SPHKAP: variants seen among roughly 807,000 people sequenced by gnomAD.
SPHKAP encodes SPHK1 interactor, AKAP domain containing.
SPHKAP carries 67 observed loss-of-function variants against 137.5 expected under a neutral mutation model. The ratio of observed to expected loss-of-function variants is 0.49; its 90% confidence interval spans 0.40 to 0.60. SPHKAP has a LOEUF of 0.60. Ranked by LOEUF, SPHKAP falls within the 20% of genes least tolerant of loss-of-function variation. SPHKAP has a pLI of 0.00. For synonymous variants in SPHKAP, 813 were observed against 785.3 expected, an observed-to-expected ratio of 1.04 and a Z score of -0.59; for missense variants, 2,097 against 2,069.3, an observed-to-expected ratio of 1.01 and a Z score of -0.26.
At chr2:228,025,248 C>G in intron 5 of SPHKAP, 146 bp downstream of exon 5, 1 of 834,132 alleles carries the variant, frequency 1.2e-6, no homozygotes, top group Admixed American at 3.6e-5. Context: ...AAGAGAAATA[C>G]AAATGCAGAC....
chr2:228,129,805 T>TC (rs1203022049), intron 2 of SPHKAP, among the ~76,000 whole-genome samples: 5 of 150,518 alleles, frequency 3.3e-5, no homozygotes, highest in African/African-American at 1.2e-4. Context: ...TTTCTTTTTT[T>TC]TTTTTTTTTG....
chr2:228,002,836 A>G (rs2106183064), intron 7 of SPHKAP, among the ~76,000 whole-genome samples: 1 of 152,276 alleles, frequency 6.6e-6, no homozygotes, highest in Non-Finnish European at 1.5e-5. Flanking sequence ...TCCTTTCCCC[A>G]TTTCTTGTTT....
chr2:228,092,341 GTGTGT>G, intron 3 of SPHKAP, among the ~76,000 whole-genome samples: 1 of 122,744 alleles, frequency 8.1e-6, no homozygotes, highest in African/African-American at 3.1e-5. Context: ...ACACGTGTAT[GTGTGT>G]GTATACATAT....
intron 2 of SPHKAP, among the ~76,000 whole-genome samples, chr2:228,127,898 G>A (rs1018440570): frequency 1.3e-5 from 2 of 152,010 alleles, no homozygotes; most frequent in Non-Finnish European, 2.9e-5. Context: ...GTGTAAAATA[G>A]CATTATAACC....
chr2:228,098,308 C>T lies in SPHKAP; in HGVS notation c.246+10524G>A, dbSNP rs562430507. ...TTTTAAGAAGTGTCTGTTCCACATG[C>T]ACACATATGTTTATTGTGGCACTAT... On this transcript the variant is annotated intron_variant, in intron 3 of 11. Transcript: ENST00000392056. 2.4e-4 allele frequency among the ~76,000 whole-genome samples: 37 copies of T among 152,148 alleles called. 1 individual carries two copies. In the South Asian group the frequency reaches 7.5e-3, roughly 31 times the overall value.
intron 3 of SPHKAP, among the ~76,000 whole-genome samples, chr2:228,034,987 C>T (rs1695527594): frequency 1.3e-5 from 2 of 150,920 alleles, no homozygotes; most frequent in East Asian, 2.0e-4. Context: ...GGGATGCCCT[C>T]TCTCACCACT....
chr2:228,083,629 C>A (rs1697438680), intron 3 of SPHKAP, among the ~76,000 whole-genome samples: 1 of 152,110 alleles, frequency 6.6e-6, no homozygotes, highest in Admixed American at 6.5e-5. Context: ...AAGACACATG[C>A]ACACGTATGT....
chr2:228,109,018 T>TC (rs1698433159), intron 2 of SPHKAP, 79 bp from the exon 3 acceptor site: 1 of 1,007,496 alleles, frequency 9.9e-7, no homozygotes, highest in East Asian at 2.8e-5. Context: ...TTTTTTTTTT[T>TC]TCTTATAAAA....
chr2:228,109,000 T>A, intron 2 of SPHKAP, 61 bp from the exon 3 acceptor site: 1 of 999,660 alleles, frequency 1.0e-6, no homozygotes, highest in Non-Finnish European at 1.4e-6. Flanking sequence ...AAACAGCAGC[T>A]CTCTCTCTTT....
At chr2:228,104,283 CATT>C (rs10584818) in intron 3 of SPHKAP, among the ~76,000 whole-genome samples, 36,428 of 140,662 alleles carry the variant, frequency 0.26, 4,816 homozygotes, top group Admixed American at 0.36. Context: ...TATTATATAT[CATT>C]ATATCATATA....
At chr2:228,134,067 AAAAG>A (rs769970920) in intron 1 of SPHKAP, among the ~76,000 whole-genome samples, 134 of 151,882 alleles carry the variant, frequency 8.8e-4, no homozygotes, top group Admixed American at 3.9e-3. Flanking sequence ...GAAGGAAAGA[AAAAG>A]AGAGAGAAAG....
At chr2:228,004,114 T>C (rs1694027726) in intron 7 of SPHKAP, among the ~76,000 whole-genome samples, 1 of 152,238 alleles carries the variant, frequency 6.6e-6, no homozygotes, top group Non-Finnish European at 1.5e-5. Context: ...TTCAATTGAT[T>C]GGAATAGTTT....
rs764604687 is a variant in SPHKAP, at chr2:228,019,196, G to A, written c.1658C>T (p.Ser553Phe). ...CATGCCACACAAAGCAGATGGAAAGGAGTACTCATTGATGGAAGGTTCCTT... is the reference window on the plus strand; with the variant it reads ...CATGCCACACAAAGCAGATGGAAAGAAGTACTCATTGATGGAAGGTTCCTT... Reference protein sequence around the residue: ...GLKEPSINEYSFPSALCGMTQ... With the variant: ...GLKEPSINEYFFPSALCGMTQ... Residue 553 changes from serine (S) to phenylalanine (F), a missense_variant, in exon 7 of 12, where the codon TCC (serine) becomes TTC (phenylalanine). Transcript: ENST00000392056. The A allele has an allele frequency of 8.1e-6, 13 of 1,613,676 alleles. No individual in the cohort carries two copies. The Admixed American group carries it at 8.3e-5, about 10-fold the overall frequency.
At chr2:228,108,177 C>G (rs1698402685) in intron 3 of SPHKAP, among the ~76,000 whole-genome samples, 1 of 152,090 alleles carries the variant, frequency 6.6e-6, no homozygotes, top group Admixed American at 6.6e-5. Flanking sequence ...AATCATGACC[C>G]CATTAGAGCT....
chr2:228,108,973 G>T (rs773951244), intron 2 of SPHKAP, 34 bp from the exon 3 acceptor site: 3 of 1,412,080 alleles, frequency 2.1e-6, no homozygotes, highest in Admixed American at 4.7e-5. Context: ...GTTCTTATTC[G>T]GCAATCCTTT....
chr2:228,034,101 T>C (rs1245768997), intron 3 of SPHKAP, among the ~76,000 whole-genome samples: 4 of 152,148 alleles, frequency 2.6e-5, no homozygotes, highest in African/African-American at 9.6e-5. Context: ...GCTGGTTTTT[T>C]GAAAAGATCA....
chr2:228,054,970 T>C (rs1415403869), intron 3 of SPHKAP, among the ~76,000 whole-genome samples: 1 of 151,892 alleles, frequency 6.6e-6, no homozygotes, highest in Non-Finnish European at 1.5e-5. Context: ...TGAAACCCCA[T>C]TTCTACTAAA....
In SPHKAP at chr2:228,132,003, TC is replaced by T; in HGVS notation, c.114del (p.Asn39ThrfsTer35). On this transcript the variant is annotated frameshift_variant, in exon 2 of 12. Transcript: ENST00000392056. LOFTEE classifies it high-confidence loss of function. ...RGCGSSGSGP[G>X]NSITACKKVL... The stretch of plus-strand genomic sequence containing the variant: ...ACCTTCTTACAGGCTGTGATGGAGT[TC>T]CCCGGGCCGCTTCCTGAGCTGCCAC... 1 of 1,613,952 alleles carries T rather than the reference TC, an allele frequency of 6.2e-7. No individual in the cohort carries two copies. Among genetic ancestry groups the T allele is most frequent in the South Asian group, 1.1e-5 (1 of 91,074 alleles).
rs778995005 is a variant in SPHKAP, at chr2:228,021,847, C to T, written c.561G>A (p.Glu187=). 4.3e-6 allele frequency: 7 copies of T among 1,614,168 alleles called. No homozygotes were observed. Among genetic ancestry groups the T allele is most frequent in the Non-Finnish European group, 5.9e-6 (7 of 1,180,018 alleles). ...KFLIGLELVQ[E]RQLHLETNIL... is the part of the protein sequence containing the mutation. ...TGTTTGTTTCCAGGTGGAGCTGTCG[C>T]TCCTGCACCAGTTCCAGACCAATCA... Residue 187 remains glutamate, a synonymous_variant, in exon 6 of 12, where the codon GAG becomes GAA. Coordinates refer to ENST00000392056, the MANE Select transcript of SPHKAP (RefSeq NM_001142644.2).
Sources: allele counts gnomAD v4.1 joint callset (sites outside exome capture counted in the v4.1 genomes callset), GRCh38; gene constraint gnomAD v4.1.1; transcripts MANE v1.5; gene names NCBI Gene and HGNC (gene_info 2026-07-23, HGNC 2026-07-21).